The following AXIN1 variants were observed in gnomAD, a reference collection of about 807,000 sequenced individuals.
AXIN1 encodes the protein axin-1.
AXIN1 carries 30 observed loss-of-function variants against 76.4 expected under a neutral mutation model. The ratio of observed to expected loss-of-function variants is 0.39; its 90% CI spans 0.29 to 0.53. The LOEUF (loss-of-function observed/expected upper bound fraction) is 0.53. Among genes scored for constraint, AXIN1 ranks in the 20% least tolerant of loss-of-function variants. The probability of loss-of-function intolerance (pLI) is 0.66; values close to 1 mark genes in which losing one functional copy is unlikely to be tolerated. For missense variants in AXIN1, 1,140 were observed against 1,198.8 expected (o/e 0.95, Z 0.72); for synonymous variants, 545 against 501.4 (o/e 1.09, Z -1.16).
rs1486397824 is a variant in AXIN1 at position 293,735 on chromosome 16, A to G, written c.1956-17T>C. On this transcript the variant is annotated splice_polypyrimidine_tract_variant and intron_variant, in intron 7 of 10. Transcript: ENST00000262320. This position sits in a 1 kb window ranked among gnomAD's most constrained non-coding sequence, Gnocchi z 4.6. The stretch of plus-strand genomic sequence containing the variant: ...CCCGAAGACCTTGGGGAACAAGAGA[A>G]CAAGTTGTGACTGTGGCCGACACCC... 5 of 1,610,894 alleles carry G rather than the reference A, an allele frequency of 3.1e-6. No homozygotes were observed. The highest frequency in any genetic ancestry group is 4.2e-6 in the Non-Finnish European group (5 of 1,178,414).
chr16:332,639 G>A (rs1157704737), intron 2 of AXIN1, among the ~76,000 whole-genome samples: 1 of 129,030 alleles, frequency 7.8e-6, no homozygotes, highest in Non-Finnish European at 1.6e-5. Context: ...GAAAGATTTT[G>A]ATCTAAACAA....
intron 2 of AXIN1, among the ~76,000 whole-genome samples, chr16:339,017 G>C (rs2053861434): frequency 6.6e-6 from 1 of 151,380 alleles, no homozygotes; most frequent in South Asian, 2.1e-4. Context: ...GGGATTACAG[G>C]CATGAGCCAC....
intron 10 of AXIN1, 127 bp downstream of exon 10, chr16:289,313 A>G: frequency 1.6e-6 from 2 of 1,262,322 alleles, no homozygotes; most frequent in Admixed American, 1.8e-5. Context: ...CAATCCGCCC[A>G]CCTCAGCCTC....
intron 8 of AXIN1, chr16:292,326 G>A (rs2052585582): frequency 6.6e-6 from 1 of 152,296 alleles, no homozygotes; most frequent in Admixed American, 6.5e-5. Flanking sequence ...TCATAAAGTG[G>A]TCACCCTTTG....
rs142154093 is a variant in AXIN1, at chr16:316,048, G to C, written c.879-1365C>G. 4.3e-3 allele frequency among the ~76,000 whole-genome samples: 648 copies of C among 152,094 alleles called. 4 individuals carry two copies. Among genetic ancestry groups the C allele is most frequent in the African/African-American group, 0.014 (600 of 41,498 alleles). On this transcript the variant is annotated intron_variant, in intron 2 of 10. Transcript: ENST00000262320. Reference sequence around the variant, plus strand: ...AGCCTGGGCGACAGAGTAAGACTCTGTCTCAAAAATAAAATAAATAAATCA... The same window carrying C: ...AGCCTGGGCGACAGAGTAAGACTCTCTCTCAAAAATAAAATAAATAAATCA...
At position 314,554 on chromosome 16, in the gene AXIN1, C is replaced by T. The variant is rs374604437; in HGVS notation, c.1008G>A (p.Thr336=). Residue 336 remains threonine, a synonymous_variant, in exon 3 of 11, where the codon ACG becomes ACA. Transcript: ENST00000262320. ...LSSDADTLSL[T]DSSVDGIPPY... is the part of the protein sequence containing the mutation. Reference sequence around the variant, plus strand: ...GGGGCGGGACTTACACGCTGCTGTCCGTGAGGGACAGGGTGTCTGCATCGC... The same window carrying T: ...GGGGCGGGACTTACACGCTGCTGTCTGTGAGGGACAGGGTGTCTGCATCGC... 1.2e-5 allele frequency: 19 copies of T among 1,613,774 alleles called. No homozygotes were observed. Among genetic ancestry groups the T allele is most frequent in the Non-Finnish European group, 1.5e-5 (18 of 1,179,886 alleles).
At chr16:339,407 A>G (rs1037917227) in intron 2 of AXIN1, among the ~76,000 whole-genome samples, 4 of 141,292 alleles carry the variant, frequency 2.8e-5, no homozygotes, top group South Asian at 4.8e-4. Context: ...GCTGCTGAGG[A>G]GGCTGAGGCA....
rs543053302 is a variant in AXIN1 at position 287,564 on chromosome 16, T to G, written c.*558A>C. The G allele has an allele frequency of 1.6e-5, 5 of 309,838 alleles. No individual in the cohort carries two copies. The South Asian group carries it at 3.3e-4, about 20-fold the overall frequency. The allele number at this position is 309,838 out of a possible 1,614,324, so 19.2% of individuals were successfully genotyped here. On this transcript the variant is annotated 3_prime_UTR_variant, in exon 11 of 11. Coordinates refer to ENST00000262320, the MANE Select transcript of AXIN1 (RefSeq NM_003502.4). ...CCCTGCTGGCCTAGCCTGAGAAATG[T>G]ACATATTTACACGGGCCCTCAGAAA...
Position 316,420 on chromosome 16 carries a change from G to A in AXIN1, c.879-1737C>T, listed in dbSNP as rs1388938060. ...CCTGTCAAAGGCATGTGCCCCTTCCGGGCGCTCTGCTGTGCTGCCAACCAA... is the reference window on the plus strand; with the variant it reads ...CCTGTCAAAGGCATGTGCCCCTTCCAGGCGCTCTGCTGTGCTGCCAACCAA... On this transcript the variant is annotated intron_variant, in intron 2 of 10. Coordinates refer to ENST00000262320, the MANE Select transcript of AXIN1 (RefSeq NM_003502.4). Among the ~76,000 whole-genome samples, 7 of 152,176 alleles carry A rather than the reference G, an allele frequency of 4.6e-5. No individual in the cohort carries two copies. In the East Asian group the frequency reaches 9.6e-4, roughly 21 times the overall value.
At chr16:351,132 CA>C (rs71391129) in intron 1 of AXIN1, among the ~76,000 whole-genome samples, 69 of 111,548 alleles carry the variant, frequency 6.2e-4, no homozygotes, top group Middle Eastern at 5.6e-3. Context: ...AACTCTGTCT[CA>C]AAAAAAAAAA....
In AXIN1 at chr16:297,982, AC is replaced by A. The variant is rs760961378; in HGVS notation, c.1523del (p.Gly508ValfsTer197). The A allele has an allele frequency of 1.9e-6, 3 of 1,599,728 alleles. No individual in the cohort carries two copies. Among genetic ancestry groups the A allele is most frequent in the South Asian group, 1.1e-5 (1 of 90,534 alleles). On this transcript the variant is annotated frameshift_variant, in exon 6 of 11. Transcript: ENST00000262320. LOFTEE classifies it high-confidence loss of function. Reference sequence around the variant, plus strand: ...CGTGCTTCCCGTGCCCCGAGGCGGCACCCCCCAGTGCCACTGGCATCTTGGC... The same window carrying A: ...CGTGCTTCCCGTGCCCCGAGGCGGCACCCCCAGTGCCACTGGCATCTTGGC... ...HVAKMPVALG[G>X]AASGHGKHVP...
intron 2 of AXIN1, among the ~76,000 whole-genome samples, chr16:336,363 G>C (rs530333582): frequency 1.3e-5 from 2 of 152,212 alleles, no homozygotes; most frequent in Non-Finnish European, 2.9e-5. Context: ...ACACAAGATA[G>C]CAGTGAGCAC....
intron 2 of AXIN1, among the ~76,000 whole-genome samples, chr16:324,441 C>T (rs1176537653): frequency 2.0e-5 from 3 of 152,148 alleles, no homozygotes; most frequent in Non-Finnish European, 4.4e-5. Flanking sequence ...CCGCGGTCCT[C>T]CGGGGAGGTT....
intron 2 of AXIN1, among the ~76,000 whole-genome samples, chr16:336,799 A>G (rs1024661979): frequency 6.8e-6 from 1 of 146,348 alleles, no homozygotes; most frequent in African/African-American, 2.6e-5. Flanking sequence ...TCTGGGCAAC[A>G]GAGCAAGACT....
At chr16:292,706 G>A (rs1160526424) in intron 8 of AXIN1, 1 of 152,288 alleles carries the variant, frequency 6.6e-6, no homozygotes, top group Non-Finnish European at 1.5e-5. Flanking sequence ...CAATGACCCA[G>A]GATGGCCGAG....
intron 5 of AXIN1, 80 bp downstream of exon 5, chr16:304,224 T>C (rs745460209): frequency 1.1e-5 from 17 of 1,596,038 alleles, no homozygotes; most frequent in Non-Finnish European, 1.4e-5. Flanking sequence ...GGCATCCCCA[T>C]GAAGAACATC....
chr16:349,192 A>G (rs1470978304), intron 1 of AXIN1, among the ~76,000 whole-genome samples: 1 of 152,338 alleles, frequency 6.6e-6, no homozygotes, highest in East Asian at 1.9e-4. Flanking sequence ...ATGTGCCCCC[A>G]ATGACATTTC....
chr16:304,388 C>T lies in AXIN1; in HGVS notation c.1170G>A (p.Glu390=), dbSNP rs768128420. 3.7e-6 allele frequency: 6 copies of T among 1,612,750 alleles called. No individual in the cohort carries two copies. The South Asian group carries it at 6.6e-5, about 18-fold the overall frequency. The part of the protein sequence containing the change: ...EVRVEPQKFA[E]ELIHRLEAVQ... ...CAGCCTCCAGGCGGTGGATGAGCTC[C>T]TCCGCGAACTTCTGAGGCTCCACGC... Residue 390 remains glutamate, a synonymous_variant, in exon 5 of 11, where the codon GAG becomes GAA. Coordinates refer to ENST00000262320, the MANE Select transcript of AXIN1 (RefSeq NM_003502.4).
At chr16:289,331 G>GC in intron 10 of AXIN1, 109 bp downstream of exon 10, 1 of 1,435,442 alleles carries the variant, frequency 7.0e-7, no homozygotes, top group East Asian at 2.3e-5. Flanking sequence ...CTCCCAAAGT[G>GC]CCAGGATTAG....
Sources: allele counts gnomAD v4.1 joint callset (sites outside exome capture counted in the v4.1 genomes callset), GRCh38; gene constraint gnomAD v4.1.1; non-coding constraint Gnocchi (gnomAD v3.1); transcripts MANE v1.5; gene names NCBI Gene and HGNC (gene_info 2026-07-23, HGNC 2026-07-21).